TTC6: variants seen among roughly 807,000 people sequenced by gnomAD.
TTC6 encodes tetratricopeptide repeat domain 6, also known as tetratricopeptide repeat protein 6.
In TTC6, 172 loss-of-function variants were observed where a neutral mutation model predicts 210.4. The ratio of observed to expected loss-of-function variants is 0.82; its 90% CI spans 0.72 to 0.93. The LOEUF (loss-of-function observed/expected upper bound fraction) is 0.93, where lower values mean the gene tolerates loss of function less well. TTC6 is among the 40% of genes least tolerant of loss of function. The pLI is 0.00. For missense variants in TTC6, 2,414 were observed against 2,318.1 expected, an observed-to-expected ratio of 1.04 and a Z score of -0.85; for synonymous variants, 804 against 819.6, an observed-to-expected ratio of 0.98 and a Z score of 0.32.
intron 2 of TTC6, among the ~76,000 whole-genome samples, chr14:37,611,702 G>A (rs2095634878): frequency 6.6e-6 from 1 of 152,136 alleles, no homozygotes; most frequent in Non-Finnish European, 1.5e-5. Context: ...GAGACTTCGG[G>A]AGGTGAAAGG....
intron 14 of TTC6, 63 bp downstream of exon 16, chr14:37,753,298 C>A: frequency 2.2e-6 from 3 of 1,356,752 alleles, no homozygotes; most frequent in Admixed American, 2.4e-5. Context: ...ATTTTCAGAA[C>A]AGAAAATTGC....
chr14:37,623,922 C>T (rs1283968418), intron 1 of TTC6, among the ~76,000 whole-genome samples: 1 of 151,966 alleles, frequency 6.6e-6, no homozygotes, highest in East Asian at 1.9e-4. Flanking sequence ...AGCCCCAAAC[C>T]CAAAGAAAGA....
intron 2 of TTC6, among the ~76,000 whole-genome samples, chr14:37,607,497 C>A (rs1319361298): frequency 6.6e-6 from 1 of 152,106 alleles, no homozygotes; most frequent in African/African-American, 2.4e-5. Flanking sequence ...AGACAAGATT[C>A]TGCCTTCCAA....
chr14:37,624,357 G>T (rs1481180971), intron 1 of TTC6, among the ~76,000 whole-genome samples: 1 of 152,192 alleles, frequency 6.6e-6, no homozygotes, highest in African/African-American at 2.4e-5. Context: ...GCAAAGAGAA[G>T]AAAGGCCTCG....
chr14:37,792,139 T>C, intron 16 of TTC6, 125 bp from the exon 19 acceptor site: 1 of 773,946 alleles, frequency 1.3e-6, no homozygotes, highest in Non-Finnish European at 1.9e-6. Flanking sequence ...CTTTCCTTTG[T>C]AAAACATTAA....
intron 10 of TTC6, among the ~76,000 whole-genome samples, chr14:37,740,778 G>A (rs2095916645): frequency 6.6e-6 from 1 of 152,102 alleles, no homozygotes; most frequent in Admixed American, 6.6e-5. Context: ...AAATGTTTTA[G>A]ATCAGAACCA....
chr14:37,661,490 T>C (rs751645292), intron 1 of TTC6, among the ~76,000 whole-genome samples: 1 of 152,148 alleles, frequency 6.6e-6, no homozygotes, highest in Non-Finnish European at 1.5e-5. Context: ...AGCTGTACTA[T>C]CTTAATTCTG....
chr14:37,836,538 T>A (rs920353870), intron 29 of TTC6, among the ~76,000 whole-genome samples: 4 of 152,232 alleles, frequency 2.6e-5, no homozygotes, highest in Admixed American at 2.6e-4. Flanking sequence ...TTAAATTTTT[T>A]TTTTAAGTAT....
chr14:37,806,261 G>T (rs1426519974), intron 21 of TTC6, 100 bp from the exon 24 acceptor site: 2 of 1,245,014 alleles, frequency 1.6e-6, no homozygotes, highest in Non-Finnish European at 2.1e-6. Context: ...AAAATAGAGT[G>T]AAACTTTTCA....
At chr14:37,828,411 T>C (rs2096177233) in intron 29 of TTC6, among the ~76,000 whole-genome samples, 1 of 152,120 alleles carries the variant, frequency 6.6e-6, no homozygotes, top group African/African-American at 2.4e-5. Flanking sequence ...ATTAAAAGTA[T>C]GCCTTTTACC....
At chr14:37,696,323 C>G (rs1292153266) in intron 3 of TTC6, among the ~76,000 whole-genome samples, 1 of 151,750 alleles carries the variant, frequency 6.6e-6, no homozygotes, top group African/African-American at 2.4e-5. Context: ...ATAAACTGAT[C>G]AAAACAAAAA....
chr14:37,650,443 A>G (rs1158059979), intron 1 of TTC6, among the ~76,000 whole-genome samples: 2 of 152,144 alleles, frequency 1.3e-5, no homozygotes, highest in East Asian at 1.9e-4. Context: ...TCTCATCCTA[A>G]TATCTTATTC....
At chr14:37,621,977 AT>A, upstream of TTC6, 1 of 984,472 alleles carries the variant, frequency 1.0e-6, no homozygotes, top group Non-Finnish European at 1.4e-6. Flanking sequence ...CTGAAATTTT[AT>A]TCCAGTTTTG....
chr14:37,760,718 T>C (rs2095981636), intron 14 of TTC6, among the ~76,000 whole-genome samples: 1 of 152,124 alleles, frequency 6.6e-6, no homozygotes, highest in Non-Finnish European at 1.5e-5. Context: ...CCCTGCCCAG[T>C]GAGGAGGAAT....
rs77025879 is a variant in TTC6 at position 37,778,214 on chromosome 14, T to A, written c.3267-9254T>A. Among the ~76,000 whole-genome samples the A allele has an allele frequency of 3.8e-3, 574 of 152,126 alleles. 1 individual carries two copies. The highest frequency in any genetic ancestry group is 0.013 in the African/African-American group (553 of 41,510). ...TTCACAGTGACTGCAGTGGCAGCGT[T>A]AGGGGTGACAGGGACACTGGTGTCC... On this transcript the variant is annotated intron_variant, in intron 14 of 30. Coordinates refer to ENST00000553443, the Ensembl canonical transcript of TTC6.
chr14:37,751,421 T>C (rs1176931786), intron 13 of TTC6, among the ~76,000 whole-genome samples, 196 bp downstream of exon 15: 1 of 152,152 alleles, frequency 6.6e-6, no homozygotes, highest in Non-Finnish European at 1.5e-5. Context: ...TTTTAAATGG[T>C]GAATGAATGA....
chr14:37,621,686 A>G (rs177829), upstream of TTC6, among the ~76,000 whole-genome samples: 99,503 of 152,078 alleles, frequency 0.65, 34,277 homozygotes, highest in African/African-American at 0.88. Flanking sequence ...ACAGTTTGTG[A>G]CCTTTATTCT....
intron 2 of TTC6, among the ~76,000 whole-genome samples, chr14:37,681,856 A>G (rs1157675347): frequency 6.6e-6 from 1 of 152,150 alleles, no homozygotes; most frequent in Non-Finnish European, 1.5e-5. Context: ...AAAAAGATAT[A>G]TCCCTTGTAA....
rs1007769689 is a variant in TTC6, at chr14:37,758,262, C to T, written c.3266+5027C>T. On this transcript the variant is annotated intron_variant, in intron 14 of 30. Coordinates refer to ENST00000553443, the Ensembl canonical transcript of TTC6. The stretch of plus-strand genomic sequence containing the variant: ...TCAATTTTTTGTCTTGTTGATATGT[C>T]CAATATTGACAATGGAATGATAAAG... Among the ~76,000 whole-genome samples, 5 of 152,194 alleles carry T rather than the reference C, an allele frequency of 3.3e-5. No individual in the cohort carries two copies. The South Asian group carries it at 1.0e-3, about 32-fold the overall frequency.
Sources: gnomAD v4.1 joint callset for allele counts (sites outside exome capture counted in the v4.1 genomes callset) on GRCh38, gnomAD v4.1.1 for gene constraint, MANE v1.5 for transcripts, NCBI Gene and HGNC (gene_info 2026-07-23, HGNC 2026-07-21) for gene names.